The following OTUD6B variants were observed in gnomAD, a reference collection of about 807,000 sequenced individuals.
OTUD6B encodes the protein OTU deubiquitinase 6B.
A neutral mutation model predicts 36.9 loss-of-function variants in OTUD6B; 41 were observed. The observed-to-expected ratio is 1.11, with a 90% CI of 0.87 to 1.44. OTUD6B has a LOEUF of 1.44. Among genes scored for constraint, OTUD6B ranks in the 40% most tolerant of loss-of-function variants. The pLI is 0.00. For synonymous variants in OTUD6B, 114 were observed against 114.2 expected (o/e 1.00, Z 0.01); for missense variants, 356 against 344.8 (o/e 1.03, Z -0.26).
At position 91,080,704 on chromosome 8, in the gene OTUD6B, A is replaced by C; in HGVS notation, c.664A>C (p.Thr222Pro). Reference protein sequence around the residue: ...FQKYCEDIVNTAAWGGQLELR... With the variant: ...FQKYCEDIVNPAAWGGQLELR... Reference sequence around the variant, plus strand: ...GAAGTACTGTGAAGATATTGTAAACACAGCTGCATGGGGAGGTCAGCTTGA... The same window carrying C: ...GAAGTACTGTGAAGATATTGTAAACCCAGCTGCATGGGGAGGTCAGCTTGA... The change falls in exon 5 of 7, where the codon ACA (threonine) becomes CCA (proline). Residue 222 changes from threonine to proline, a missense_variant. By Grantham distance (38) the Thr-to-Pro change is conservative (BLOSUM62 -1). Transcript: ENST00000404789. 6.2e-7 allele frequency: 1 copy of C among 1,604,430 alleles called. No individual in the cohort carries two copies. Among genetic ancestry groups the C allele is most frequent in the South Asian group, 1.1e-5 (1 of 89,164 alleles).
intron 6 of OTUD6B, 112 bp from the exon 7 acceptor site, chr8:91,084,672 T>C: frequency 1.1e-5 from 13 of 1,143,582 alleles, no homozygotes; most frequent in Non-Finnish European, 1.4e-5. Flanking sequence ...GTGAAACCCA[T>C]GTGGACTGAG....
chr8:91,075,638 C>T (rs1203601537), intron 3 of OTUD6B, among the ~76,000 whole-genome samples: 1 of 152,044 alleles, frequency 6.6e-6, no homozygotes, highest in East Asian at 1.9e-4. Flanking sequence ...TAGTCAGCTG[C>T]TTTAACACTT....
Position 91,080,747 on chromosome 8 carries a change from T to C in OTUD6B, c.690+17T>C, listed in dbSNP as rs778907636. On this transcript the variant is annotated intron_variant, in intron 5 of 6. Coordinates refer to ENST00000404789, the MANE Select transcript of OTUD6B (RefSeq NM_016023.5). ...CAGCTTGAGGTAAGTTTGTAGTTAT[T>C]CATAGTGATTGTGGGTTGTTAAATT... The C allele has an allele frequency of 2.0e-5, 32 of 1,569,938 alleles. No individual in the cohort carries two copies. Among genetic ancestry groups the C allele is most frequent in the Middle Eastern group, 1.7e-4 (1 of 6,008 alleles).
chr8:91,084,750 A>G, intron 6 of OTUD6B, 34 bp from the exon 7 acceptor site: 2 of 1,427,854 alleles, frequency 1.4e-6, no homozygotes, highest in Non-Finnish European at 1.9e-6. Context: ...TGCTTTCATC[A>G]AAACTACTCA....
At chr8:91,078,716 G>A (rs1450277425) in intron 4 of OTUD6B, 48 bp downstream of exon 4, 4 of 1,352,150 alleles carry the variant, frequency 3.0e-6, no homozygotes, top group Non-Finnish European at 4.0e-6. Flanking sequence ...TGTTGTAGTT[G>A]TTTTTAAATA....
intron 4 of OTUD6B, among the ~76,000 whole-genome samples, chr8:91,079,934 C>T (rs1384902656): frequency 6.6e-6 from 1 of 152,166 alleles, no homozygotes; most frequent in Admixed American, 6.6e-5. Context: ...GAGACAAACA[C>T]ATGAGACATA....
chr8:91,084,755 T>C (rs769445204), intron 6 of OTUD6B, 29 bp from the exon 7 acceptor site: 5 of 1,438,054 alleles, frequency 3.5e-6, no homozygotes, highest in African/African-American at 1.5e-5. Context: ...TCATCAAAAC[T>C]ACTCATTTCT....
At chr8:91,071,637 C>T (rs116040780) in intron 2 of OTUD6B, among the ~76,000 whole-genome samples, 1,848 of 152,268 alleles carry the variant, frequency 0.012, 32 homozygotes, top group African/African-American at 0.042. Flanking sequence ...CGTGAGCCAC[C>T]GTGCCCGGCC....
chr8:91,083,914 G>A, intron 5 of OTUD6B, 94 bp from the exon 6 acceptor site: 2 of 1,501,228 alleles, frequency 1.3e-6, no homozygotes, highest in Non-Finnish European at 1.8e-6. Flanking sequence ...GGTGAACACA[G>A]CGTATCCCTG....
chr8:91,080,448 C>A, intron 4 of OTUD6B: 1 of 478,756 alleles, frequency 2.1e-6, no homozygotes, highest in Non-Finnish European at 2.7e-6. Context: ...AGAAGAAAAG[C>A]AGAAATGGAC....
At chr8:91,074,116 G>A (rs1812758179) in intron 3 of OTUD6B, among the ~76,000 whole-genome samples, 1 of 152,108 alleles carries the variant, frequency 6.6e-6, no homozygotes, top group Non-Finnish European at 1.5e-5. Flanking sequence ...ATTTAGTCCT[G>A]ACAATAATCC....
intron 2 of OTUD6B, among the ~76,000 whole-genome samples, chr8:91,072,289 C>G (rs962026673): frequency 6.6e-6 from 1 of 152,076 alleles, no homozygotes; most frequent in African/African-American, 2.4e-5. Context: ...AGAACTTTGT[C>G]CAGGAGTCGT....
intron 5 of OTUD6B, among the ~76,000 whole-genome samples, chr8:91,083,297 A>G (rs1812943423): frequency 6.6e-6 from 1 of 152,070 alleles, no homozygotes; most frequent in South Asian, 2.1e-4. Context: ...TCACATTGTA[A>G]TTTATTTGGT....
intron 3 of OTUD6B, chr8:91,076,394 C>T: frequency 1.1e-6 from 1 of 882,336 alleles, no homozygotes; most frequent in East Asian, 1.2e-4. Flanking sequence ...GATTTCTTAC[C>T]TAGTGCCCTG....
intron 6 of OTUD6B, among the ~76,000 whole-genome samples, chr8:91,084,500 A>G (rs1416922336): frequency 2.0e-5 from 3 of 152,278 alleles, no homozygotes; most frequent in African/African-American, 4.8e-5. Context: ...AGCTAAACCT[A>G]TTAAGATAGT....
At chr8:91,077,855 A>G (rs1260288304) in intron 3 of OTUD6B, among the ~76,000 whole-genome samples, 1 of 151,874 alleles carries the variant, frequency 6.6e-6, no homozygotes, top group African/African-American at 2.4e-5. Flanking sequence ...TTTTTTACAA[A>G]ATATTTGTTA....
chr8:91,070,463 CA>C lies in OTUD6B; in HGVS notation c.81del (p.Ala28ProfsTer6), dbSNP rs1563578742. 8 of 1,564,774 alleles carry C rather than the reference CA, an allele frequency of 5.1e-6. No individual in the cohort carries two copies. Among genetic ancestry groups the C allele is most frequent in the Non-Finnish European group, 6.9e-6 (8 of 1,154,522 alleles). On this transcript the variant is annotated frameshift_variant and splice_region_variant, in exon 1 of 7. Transcript: ENST00000404789. LOFTEE classifies it high-confidence loss of function. ...GCATCGCAAAGAGAAGAAGGAGTTG[CA>C]AGGTGAGGCGGAAGGAAGTGGGAAT... ...RRHRKEKKELQAKIQGMKNAV... is the reference protein window; with the variant it reads ...RRHRKEKKELXAKIQGMKNAV...
Position 91,080,687 on chromosome 8 carries a change from G to A in OTUD6B, c.647G>A (p.Cys216Tyr). 2 of 1,603,466 alleles carry A rather than the reference G, an allele frequency of 1.2e-6. No individual in the cohort carries two copies. Among genetic ancestry groups the A allele is most frequent in the Non-Finnish European group, 1.7e-6 (2 of 1,174,212 alleles). ...TCTACAGAAGAATTTCAGAAGTACT[G>A]TGAAGATATTGTAAACACAGCTGCA... ...MYTPEEFQKY[C>Y]EDIVNTAAWG... Residue 216 changes from cysteine to tyrosine, a missense_variant, in exon 5 of 7, where the codon TGT becomes TAT. Cys to Tyr is a radical substitution (Grantham distance 194). Coordinates refer to ENST00000404789, the MANE Select transcript of OTUD6B (RefSeq NM_016023.5).
intron 3 of OTUD6B, chr8:91,076,762 T>A (rs1407904903): frequency 1.3e-6 from 1 of 761,710 alleles, no homozygotes; most frequent in Admixed American, 2.0e-5. Flanking sequence ...CTCTGAAACT[T>A]TTTTAGTCTT....
Sources: gnomAD v4.1 joint callset for allele counts (sites outside exome capture counted in the v4.1 genomes callset) on GRCh38, gnomAD v4.1.1 for gene constraint, MANE v1.5 for transcripts, NCBI Gene and HGNC (gene_info 2026-07-23, HGNC 2026-07-21) for gene names.